The following RIC3 variants were observed in gnomAD, a reference collection of about 807,000 sequenced individuals.
RIC3 encodes the protein RIC3 acetylcholine receptor chaperone.
RIC3 carries 28 observed loss-of-function variants against 27.3 expected under a neutral mutation model. That is an observed-to-expected ratio of 1.02 (90% CI 0.76 to 1.41). The LOEUF is 1.41. Among genes scored for constraint, RIC3 ranks in the 40% most tolerant of loss-of-function variants. The pLI is 0.00. For synonymous variants in RIC3, 184 were observed against 160.4 expected (o/e 1.15, Z -1.11); for missense variants, 501 against 444.7 (o/e 1.13, Z -1.14).
At chr11:8,136,267 T>G (rs935313623) in intron 4 of RIC3, among the ~76,000 whole-genome samples, 2 of 152,210 alleles carry the variant, frequency 1.3e-5, no homozygotes, top group Non-Finnish European at 2.9e-5. Context: ...GTACTAGTAC[T>G]ATAAAGGATG....
intron 5 of RIC3, among the ~76,000 whole-genome samples, chr11:8,117,030 A>G (rs1452103033): frequency 1.3e-5 from 2 of 152,212 alleles, no homozygotes; most frequent in African/African-American, 2.4e-5. Flanking sequence ...ATGGATGAAT[A>G]AAGAAAATGT....
intron 1 of RIC3, among the ~76,000 whole-genome samples, chr11:8,162,805 T>A (rs73411659): frequency 0.035 from 5,338 of 151,536 alleles, 120 homozygotes; most frequent in South Asian, 0.088. Flanking sequence ...ACCATCAGAC[T>A]GGGCTAATTT....
At chr11:8,097,598 T>G in the RIC3 span, 1 of 1,281,382 alleles carries the variant, frequency 7.8e-7, no homozygotes, top group South Asian at 1.3e-5. Flanking sequence ...TTTGTGTGTG[T>G]GCACATATGT....
chr11:8,096,918 C>A, the RIC3 span: 3 of 1,258,966 alleles, frequency 2.4e-6, no homozygotes, highest in Non-Finnish European at 2.3e-6. Context: ...TCTCTGCTGG[C>A]CTCTTATGTC....
At chr11:8,139,770 A>C in intron 2 of RIC3, 197 bp downstream of exon 2, 1 of 584,574 alleles carries the variant, frequency 1.7e-6, no homozygotes, top group Non-Finnish European at 2.9e-6. Flanking sequence ...CAAAACACTT[A>C]AACATTGAGT....
intron 1 of RIC3, among the ~76,000 whole-genome samples, chr11:8,146,970 C>G (rs1949749502): frequency 6.6e-6 from 1 of 152,212 alleles, no homozygotes; most frequent in South Asian, 2.1e-4. Flanking sequence ...TATCATGGGC[C>G]CCTTCAAGGT....
intron 4 of RIC3, among the ~76,000 whole-genome samples, chr11:8,134,327 A>T (rs989363146): frequency 7.3e-4 from 111 of 152,228 alleles, no homozygotes; most frequent in Middle Eastern, 6.8e-3. Flanking sequence ...ACATGAACTC[A>T]TCATTTTTTA....
intron 1 of RIC3, among the ~76,000 whole-genome samples, chr11:8,153,164 A>G (rs563192590): frequency 6.6e-6 from 1 of 152,316 alleles, no homozygotes; most frequent in South Asian, 2.1e-4. Context: ...GAACATATAG[A>G]CTAGATAGCA....
rs1012146467 is a variant in RIC3, at chr11:8,138,762, AG to A, written c.352-416del. 5 of 228,322 alleles carry A rather than the reference AG, an allele frequency of 2.2e-5. No homozygotes were observed. In the East Asian group the frequency reaches 4.1e-4, roughly 19 times the overall value. 14.1% of individuals were successfully genotyped at this position (228,322 alleles called of 1,614,324 possible). The stretch of plus-strand genomic sequence containing the variant: ...GCTTATACTTGTCAAAGCAAGCATG[AG>A]GTCATAGCCTGTTCCTCTTCCTTAT... On this transcript the variant is annotated intron_variant, in intron 2 of 5. Transcript: ENST00000309737.
rs1005123735 is a variant in RIC3 at position 8,141,913 on chromosome 11, C to T, written c.125-1720G>A. Among the ~76,000 whole-genome samples, 992 of 152,004 alleles carry T rather than the reference C, an allele frequency of 6.5e-3. 20 individuals are homozygous for T. The highest frequency in any genetic ancestry group is 0.051 in the Admixed American group (771 of 15,246). The stretch of plus-strand genomic sequence containing the variant: ...AACTACATGGAAACTGAACAACCTG[C>T]TCCTGAATGACTACTGGATACATAA... On this transcript the variant is annotated intron_variant, in intron 1 of 5. Coordinates refer to ENST00000309737, the MANE Select transcript of RIC3 (RefSeq NM_001206671.4).
intron 1 of RIC3, among the ~76,000 whole-genome samples, chr11:8,141,706 C>T (rs1294876352): frequency 6.6e-6 from 1 of 152,084 alleles, no homozygotes; most frequent in Admixed American, 6.5e-5. Flanking sequence ...ACTCTCCACC[C>T]CAAATCAACA....
At chr11:8,099,475 G>C in the RIC3 span, among the ~76,000 whole-genome samples, 2 of 152,328 alleles carry the variant, frequency 1.3e-5, no homozygotes, top group Admixed American at 1.3e-4. Flanking sequence ...CAGCTACTTT[G>C]TATGATCCTG....
rs1170640219 is a variant in RIC3, at chr11:8,110,470, C to T, written c.*228G>A. The T allele has an allele frequency of 2.8e-5, 17 of 607,670 alleles. No individual in the cohort carries two copies. The East Asian group carries it at 4.8e-4, about 17-fold the overall frequency. The allele number at this position is 607,670 out of a possible 1,614,324, so 37.6% of individuals were successfully genotyped here. A position where few individuals can be genotyped will look rare whatever the true frequency, so the allele number is the denominator to read the frequency against. ...ATCAACTTCTCTGATAGAGGAAAGG[C>T]AGGAAGAGAAAGAGCGAAGCTGTCC... On this transcript the variant is annotated 3_prime_UTR_variant, in exon 6 of 6. Transcript: ENST00000309737.
chr11:8,097,656 A>G, the RIC3 span: 460 of 1,483,952 alleles, frequency 3.1e-4, 1 homozygote, highest in African/African-American at 4.9e-3. Flanking sequence ...AGTGGCTCTC[A>G]TGACTGTGTG....
the RIC3 span, among the ~76,000 whole-genome samples, chr11:8,096,516 T>C: frequency 2.0e-5 from 3 of 152,190 alleles, no homozygotes; most frequent in Non-Finnish European, 1.5e-5. Flanking sequence ...TGTGTGGGAA[T>C]ATATGTGTGA....
intron 1 of RIC3, among the ~76,000 whole-genome samples, chr11:8,154,783 A>C (rs535523632): frequency 6.6e-6 from 1 of 152,338 alleles, no homozygotes; most frequent in Non-Finnish European, 1.5e-5. Context: ...AAAAACAGCT[A>C]AAGAGATCAG....
intron 1 of RIC3, among the ~76,000 whole-genome samples, chr11:8,161,022 T>A (rs1324578256): frequency 3.9e-5 from 6 of 152,092 alleles, no homozygotes; most frequent in African/African-American, 1.4e-4. Flanking sequence ...TCTCCAAAGA[T>A]GATTTTGAGG....
intron 1 of RIC3, among the ~76,000 whole-genome samples, chr11:8,149,268 G>A (rs192779275): frequency 1.5e-3 from 224 of 151,616 alleles, no homozygotes; most frequent in Non-Finnish European, 2.7e-3. Context: ...TTACTGAAGG[G>A]AATGAAAGAA....
At chr11:8,095,148 T>C in the RIC3 span, among the ~76,000 whole-genome samples, 8 of 152,342 alleles carry the variant, frequency 5.3e-5, no homozygotes, top group African/African-American at 1.2e-4. Context: ...CCATGAATGA[T>C]TGCTGGCCTT....
Sources: gnomAD v4.1 joint callset for allele counts (sites outside exome capture counted in the v4.1 genomes callset) on GRCh38, gnomAD v4.1.1 for gene constraint, MANE v1.5 for transcripts, NCBI Gene and HGNC (gene_info 2026-07-23, HGNC 2026-07-21) for gene names.